Variants in DOCK1 observed in about 807,000 individuals in gnomAD.
DOCK1 encodes dedicator of cytokinesis protein 1.
DOCK1 carries 138 observed loss-of-function variants against 262.7 expected under a neutral mutation model. The observed-to-expected ratio is 0.53, with a 90% CI of 0.46 to 0.61. DOCK1 has a LOEUF of 0.61. Ranked by LOEUF, DOCK1 falls within the 20% of genes least tolerant of loss-of-function variation. The probability of loss-of-function intolerance (pLI) is 0.00; values close to 1 mark genes in which losing one functional copy is unlikely to be tolerated. For missense variants in DOCK1, 1,908 were observed against 2,370.7 expected, an observed-to-expected ratio of 0.80 and a Z score of 4.05; for synonymous variants, 866 against 867.4, an observed-to-expected ratio of 1.00 and a Z score of 0.03.
chr10:127,263,347 A>G (rs1026092883), intron 29 of DOCK1, among the ~76,000 whole-genome samples: 1 of 152,260 alleles, frequency 6.6e-6, no homozygotes, highest in African/African-American at 2.4e-5. Context: ...ATGTGTATAT[A>G]TAGATTGCCT....
At chr10:127,227,963 G>A (rs2058703401) in intron 27 of DOCK1, among the ~76,000 whole-genome samples, 1 of 152,134 alleles carries the variant, frequency 6.6e-6, no homozygotes, top group African/African-American at 2.4e-5. Flanking sequence ...TACTAAAGTA[G>A]GACTTTGAAC....
At chr10:126,943,238 G>T (rs1300776394) in intron 1 of DOCK1, among the ~76,000 whole-genome samples, 1 of 152,218 alleles carries the variant, frequency 6.6e-6, no homozygotes, top group Non-Finnish European at 1.5e-5. Context: ...GGGTGACAGA[G>T]AGAGACTCCA....
intron 1 of DOCK1, among the ~76,000 whole-genome samples, chr10:126,935,509 G>A (rs2034504616): frequency 6.6e-6 from 1 of 152,200 alleles, no homozygotes; most frequent in East Asian, 1.9e-4. Context: ...CTGCTGGGAC[G>A]TCCAGCCAGG....
At chr10:127,253,453 G>T (rs2059721459) in intron 28 of DOCK1, among the ~76,000 whole-genome samples, 1 of 152,068 alleles carries the variant, frequency 6.6e-6, no homozygotes, top group African/African-American at 2.4e-5. Context: ...CCATCTACCT[G>T]GAGTTAGCAT....
At chr10:127,309,248 G>C (rs1361411238) in intron 29 of DOCK1, among the ~76,000 whole-genome samples, 1 of 151,830 alleles carries the variant, frequency 6.6e-6, no homozygotes, top group Non-Finnish European at 1.5e-5. Flanking sequence ...TTTGAGAAAT[G>C]TCTGTTCATA....
intron 51 of DOCK1, 117 bp from the exon 52 acceptor site, chr10:127,451,213 CAT>C: frequency 8.8e-7 from 1 of 1,141,062 alleles, no homozygotes; most frequent in Non-Finnish European, 1.3e-6. Flanking sequence ...GAGCCCAACT[CAT>C]GTGGGGAGGA....
intron 40 of DOCK1, among the ~76,000 whole-genome samples, chr10:127,408,532 C>T (rs1459002890): frequency 1.3e-5 from 2 of 152,234 alleles, no homozygotes; most frequent in African/African-American, 4.8e-5. Flanking sequence ...CAGCGCCCGG[C>T]GGCCGTGTGC....
chr10:127,130,347 A>T (rs1354520646), intron 27 of DOCK1, among the ~76,000 whole-genome samples: 1 of 152,072 alleles, frequency 6.6e-6, no homozygotes, highest in African/African-American at 2.4e-5. Flanking sequence ...CGGCCTCCCA[A>T]AGTGCTGGGA....
At chr10:126,965,002 A>T (rs1307063652) in intron 1 of DOCK1, among the ~76,000 whole-genome samples, 5 of 152,204 alleles carry the variant, frequency 3.3e-5, no homozygotes. Flanking sequence ...GAGTGCCTGC[A>T]AGGTATGGTT....
At chr10:127,014,667 C>T (rs2041725257) in intron 12 of DOCK1, among the ~76,000 whole-genome samples, 1 of 152,190 alleles carries the variant, frequency 6.6e-6, no homozygotes, top group South Asian at 2.1e-4. Flanking sequence ...CTTTTGGACT[C>T]AAACTCCTGA....
intron 32 of DOCK1, 109 bp downstream of exon 32, chr10:127,354,836 G>A: frequency 4.4e-6 from 6 of 1,349,600 alleles, no homozygotes; most frequent in Non-Finnish European, 6.2e-6. Context: ...AATGGCTTCT[G>A]TTCCTTGGAC....
chr10:127,134,662 C>A (rs1282488970), intron 27 of DOCK1, among the ~76,000 whole-genome samples: 1 of 152,164 alleles, frequency 6.6e-6, no homozygotes, highest in Non-Finnish European at 1.5e-5. Flanking sequence ...AGACAGAACC[C>A]TCCCTCTGTC....
chr10:127,158,578 C>A (rs77353929), intron 27 of DOCK1, among the ~76,000 whole-genome samples: 13 of 152,070 alleles, frequency 8.5e-5, no homozygotes, highest in African/African-American at 2.9e-4. Context: ...TTGATGTAGC[C>A]AAGTCATAGA....
chr10:127,105,378 C>A (rs1370893068), intron 23 of DOCK1, among the ~76,000 whole-genome samples: 1 of 152,178 alleles, frequency 6.6e-6, no homozygotes. Context: ...TCATTAATAT[C>A]ATTACTCTGT....
At chr10:126,946,421 C>T (rs1279988186) in intron 1 of DOCK1, among the ~76,000 whole-genome samples, 4 of 152,112 alleles carry the variant, frequency 2.6e-5, no homozygotes, top group African/African-American at 9.7e-5. Flanking sequence ...GTGGCGGGCA[C>T]CTGTAATCCC....
At chr10:127,005,804 T>G (rs1269432962) in intron 10 of DOCK1, among the ~76,000 whole-genome samples, 1 of 152,242 alleles carries the variant, frequency 6.6e-6, no homozygotes, top group Non-Finnish European at 1.5e-5. Context: ...CTACCATGTA[T>G]TTGTTTATTT....
At chr10:127,271,074 TG>T (rs1411935983) in intron 29 of DOCK1, among the ~76,000 whole-genome samples, 1 of 152,014 alleles carries the variant, frequency 6.6e-6, no homozygotes, top group African/African-American at 2.4e-5. Flanking sequence ...ATAAGATCCT[TG>T]GGTCAGGTAT....
At chr10:126,920,003 C>T (rs1256339530) in intron 1 of DOCK1, among the ~76,000 whole-genome samples, 1 of 152,150 alleles carries the variant, frequency 6.6e-6, no homozygotes, top group Non-Finnish European at 1.5e-5. Context: ...AGTGTCGGCT[C>T]AGCTCGAGAA....
chr10:127,272,683 G>A (rs1590221303), intron 29 of DOCK1, among the ~76,000 whole-genome samples: 1 of 152,186 alleles, frequency 6.6e-6, no homozygotes, highest in African/African-American at 2.4e-5. Flanking sequence ...GCATTAGTCC[G>A]TGTTCACGCT....
Sources: allele counts gnomAD v4.1 joint callset (sites outside exome capture counted in the v4.1 genomes callset), GRCh38; gene constraint gnomAD v4.1.1; transcripts MANE v1.5; gene names NCBI Gene and HGNC (gene_info 2026-07-23, HGNC 2026-07-21).